PCBD2: variants seen among roughly 807,000 people sequenced by gnomAD.
PCBD2 encodes the protein pterin-4-alpha-carbinolamine dehydratase 2.
In PCBD2, 12 loss-of-function variants were observed where a neutral mutation model predicts 16.4. The ratio of observed to expected loss-of-function variants is 0.73; its 90% confidence interval spans 0.47 to 1.19. The LOEUF is 1.19. PCBD2 is among the 50% of genes most tolerant of loss of function. The pLI is 0.00. For synonymous variants in PCBD2, 58 were observed against 61.8 expected, an observed-to-expected ratio of 0.94 and a Z score of 0.29; for missense variants, 138 against 156.8, an observed-to-expected ratio of 0.88 and a Z score of 0.64.
intron 2 of PCBD2, among the ~76,000 whole-genome samples, chr5:134,933,443 G>A (rs915519389): frequency 1.3e-5 from 2 of 151,852 alleles, no homozygotes; most frequent in Non-Finnish European, 2.9e-5. Flanking sequence ...GCCATATTGC[G>A]CAGGCTGGTC....
chr5:134,919,554 T>C (rs1750877122), intron 2 of PCBD2, among the ~76,000 whole-genome samples: 1 of 152,210 alleles, frequency 6.6e-6, no homozygotes, highest in Non-Finnish European at 1.5e-5. Context: ...TGAAGCACTT[T>C]AGATGAGATT....
At position 134,917,343 on chromosome 5, in the gene PCBD2, C is replaced by T. The variant is rs17518673; in HGVS notation, c.216+6877C>T. On this transcript the variant is annotated intron_variant, in intron 2 of 3. Coordinates refer to ENST00000254908, the MANE Select transcript of PCBD2 (RefSeq NM_032151.5). ...GAAGGCTGTCCCTGTTCTTTCACTT[C>T]TGAATACCTGGGGCTACCCTTGTTC... Among the ~76,000 whole-genome samples, 1,069 of 152,366 alleles carry T rather than the reference C, an allele frequency of 7.0e-3. 5 individuals are homozygous for T. The highest frequency in any genetic ancestry group is 0.011 in the Non-Finnish European group (778 of 68,028).
At chr5:134,924,872 G>T in intron 2 of PCBD2, 1 of 390,494 alleles carries the variant, frequency 2.6e-6, no homozygotes, top group South Asian at 1.4e-4. Context: ...ATGATACTAG[G>T]GTAAAATCCG....
chr5:134,908,118 C>T (rs1175799401), intron 1 of PCBD2, among the ~76,000 whole-genome samples: 1 of 151,446 alleles, frequency 6.6e-6, no homozygotes, highest in Non-Finnish European at 1.5e-5. Context: ...GACGAGGTCT[C>T]ATTGCGTTGC....
intron 2 of PCBD2, among the ~76,000 whole-genome samples, chr5:134,920,394 GT>G (rs1458697672): frequency 1.3e-5 from 2 of 152,100 alleles, no homozygotes; most frequent in Non-Finnish European, 2.9e-5. Context: ...TGATTTTGTT[GT>G]TTTAGGCGAG....
At chr5:134,937,560 C>T (rs553227337) in intron 2 of PCBD2, among the ~76,000 whole-genome samples, 3 of 152,374 alleles carry the variant, frequency 2.0e-5, no homozygotes, top group East Asian at 1.9e-4. Context: ...CAGACTCACA[C>T]AGCGGACATC....
intron 2 of PCBD2, among the ~76,000 whole-genome samples, chr5:134,933,385 G>A (rs972089710): frequency 6.6e-6 from 1 of 152,116 alleles, no homozygotes; most frequent in South Asian, 2.1e-4. Context: ...ACAGGCATGC[G>A]CCACCACACC....
In PCBD2 at chr5:134,924,856, C is replaced by T. The variant is rs531135396; in HGVS notation, c.216+14390C>T. 203 of 390,168 alleles carry T rather than the reference C, an allele frequency of 5.2e-4. No homozygotes were observed. The East Asian group carries it at 6.9e-3, about 13-fold the overall frequency. 24.2% of individuals were successfully genotyped at this position (390,168 alleles called of 1,614,324 possible). Reference sequence around the variant, plus strand: ...AAGAAGGCCTAGATAAGGGACTGTGCGGTGTATGATACTAGGGTAAAATCC... The same window carrying T: ...AAGAAGGCCTAGATAAGGGACTGTGTGGTGTATGATACTAGGGTAAAATCC... On this transcript the variant is annotated intron_variant, in intron 2 of 3. Coordinates refer to ENST00000254908, the MANE Select transcript of PCBD2 (RefSeq NM_032151.5).
chr5:134,928,021 C>G (rs532897307), intron 2 of PCBD2: 21 of 395,392 alleles, frequency 5.3e-5, no homozygotes, highest in Non-Finnish European at 8.9e-5. Context: ...ATTGTTGGGA[C>G]AATTAGTTTT....
intron 2 of PCBD2, among the ~76,000 whole-genome samples, chr5:134,942,429 T>C (rs1751240878): frequency 6.6e-6 from 1 of 151,982 alleles, no homozygotes; most frequent in African/African-American, 2.4e-5. Context: ...TGGTCCAGAG[T>C]AGTTATTTTA....
At chr5:134,917,603 A>G (rs1419848351) in intron 2 of PCBD2, among the ~76,000 whole-genome samples, 1 of 152,196 alleles carries the variant, frequency 6.6e-6, no homozygotes, top group Non-Finnish European at 1.5e-5. Flanking sequence ...ATGGAATCAT[A>G]TGAGCTGGTT....
At chr5:134,906,789 C>G (rs750304750) in intron 1 of PCBD2, among the ~76,000 whole-genome samples, 4 of 152,106 alleles carry the variant, frequency 2.6e-5, no homozygotes, top group African/African-American at 9.7e-5. Context: ...AGAAGGATCC[C>G]GGAATTCAGA....
At chr5:134,946,795 A>G (rs970679758) in intron 2 of PCBD2, among the ~76,000 whole-genome samples, 11 of 152,284 alleles carry the variant, frequency 7.2e-5, no homozygotes, top group Admixed American at 7.2e-4. Flanking sequence ...GGGAGTAGGC[A>G]TTCTTTCTGC....
chr5:134,927,432 G>A, intron 2 of PCBD2: 1 of 398,372 alleles, frequency 2.5e-6, no homozygotes, highest in Non-Finnish European at 4.4e-6. Context: ...TACTATAAAA[G>A]CTATTGTGTA....
intron 2 of PCBD2, among the ~76,000 whole-genome samples, chr5:134,917,735 C>G (rs1255285574): frequency 6.6e-6 from 1 of 152,196 alleles, no homozygotes; most frequent in African/African-American, 2.4e-5. Flanking sequence ...AGGAGGAGTT[C>G]TCTGGGTGCC....
At chr5:134,960,420 G>C (rs915380898) in intron 3 of PCBD2, among the ~76,000 whole-genome samples, 166 bp from the exon 4 acceptor site, 31 of 152,084 alleles carry the variant, frequency 2.0e-4, no homozygotes, top group Admixed American at 8.5e-4. Context: ...AGTTCGCTGG[G>C]TTTTGGAAAT....
intron 2 of PCBD2, among the ~76,000 whole-genome samples, chr5:134,933,499 G>T (rs1349973107): frequency 9.9e-5 from 15 of 152,184 alleles, no homozygotes; most frequent in Admixed American, 9.8e-4. Context: ...GCCTCCCAAA[G>T]TTCTGGGACT....
intron 2 of PCBD2, among the ~76,000 whole-genome samples, chr5:134,929,397 A>T (rs977657532): frequency 6.6e-6 from 1 of 152,008 alleles, no homozygotes; most frequent in Non-Finnish European, 1.5e-5. Flanking sequence ...CATGTCACAG[A>T]ATCCAAAAGA....
intron 2 of PCBD2, among the ~76,000 whole-genome samples, chr5:134,918,061 G>A (rs1031416078): frequency 2.0e-4 from 30 of 152,168 alleles, no homozygotes; most frequent in Non-Finnish European, 3.7e-4. Flanking sequence ...GAATGAATTA[G>A]TTTGGGTTTG....
Sources: gnomAD v4.1 joint callset for allele counts (sites outside exome capture counted in the v4.1 genomes callset) on GRCh38, gnomAD v4.1.1 for gene constraint, MANE v1.5 for transcripts, NCBI Gene and HGNC (gene_info 2026-07-23, HGNC 2026-07-21) for gene names.